Variants in SMIM35 observed in about 807,000 individuals in gnomAD.
The protein encoded by SMIM35 is TMPRSS4 antisense RNA 1 (non-protein coding).
chr11:118,020,761 G>T (rs565383824), intron 1 of SMIM35, among the ~76,000 whole-genome samples: 1 of 150,390 alleles, frequency 6.6e-6, no homozygotes. Flanking sequence ...TATATTGTCC[G>T]CAAATAAAGG....
chr11:118,025,638 TA>T (rs1183082839), intron 1 of SMIM35: 1 of 447,326 alleles, frequency 2.2e-6, no homozygotes, highest in Non-Finnish European at 4.5e-6. Context: ...TTAATGGGGT[TA>T]TTTGGTCTTT....
chr11:118,064,420 C>T (rs1944437583), intron 1 of SMIM35, among the ~76,000 whole-genome samples: 3 of 152,288 alleles, frequency 2.0e-5, no homozygotes, highest in East Asian at 1.9e-4. Flanking sequence ...GGGTGTCATC[C>T]TCAGAGTCAT....
intron 1 of SMIM35, among the ~76,000 whole-genome samples, chr11:118,060,959 C>G (rs555482629): frequency 1.3e-5 from 2 of 152,354 alleles, no homozygotes; most frequent in African/African-American, 4.8e-5. Flanking sequence ...CCTCTCCAGC[C>G]CTGTGACCTC....
At chr11:118,008,325 C>T (rs2058132833) in intron 4 of SMIM35, among the ~76,000 whole-genome samples, 1 of 152,144 alleles carries the variant, frequency 6.6e-6, no homozygotes, top group Non-Finnish European at 1.5e-5. Context: ...GATCACTAAG[C>T]AGTTTTTAGA....
At chr11:118,044,543 G>A (rs1182450888) in intron 1 of SMIM35, among the ~76,000 whole-genome samples, 2 of 152,036 alleles carry the variant, frequency 1.3e-5, no homozygotes, top group African/African-American at 2.4e-5. Context: ...ATTCATGCCT[G>A]TAATCCCAGC....
At chr11:118,016,621 C>G (rs1224614587) in intron 1 of SMIM35, among the ~76,000 whole-genome samples, 1 of 152,220 alleles carries the variant, frequency 6.6e-6, no homozygotes, top group Non-Finnish European at 1.5e-5. Flanking sequence ...AGTGGTTGAA[C>G]TCAGACTTTA....
chr11:118,013,544 G>A (rs1418292005), intron 4 of SMIM35, among the ~76,000 whole-genome samples: 1 of 152,220 alleles, frequency 6.6e-6, no homozygotes, highest in African/African-American at 2.4e-5. Context: ...GGGTGGACAG[G>A]AGGAAACAGG....
chr11:118,014,153 G>A (rs1034779129), intron 3 of SMIM35, among the ~76,000 whole-genome samples: 2 of 152,154 alleles, frequency 1.3e-5, no homozygotes, highest in African/African-American at 4.8e-5. Flanking sequence ...TCTTGTGCCT[G>A]AGATTACATT....
rs57261529 is a variant in SMIM35 at position 118,048,946 on chromosome 11, CAAA to C, written c.8-33140_8-33138del. ...GCCTATCGCCTAGGCTGAAGAGCTGCAAAAAAAAAAAAAAAAAAGCAAGTGAAA... is the reference window on the plus strand; with the variant it reads ...GCCTATCGCCTAGGCTGAAGAGCTGCAAAAAAAAAAAAAAAGCAAGTGAAA... On this transcript the variant is annotated intron_variant, in intron 1 of 4. Coordinates refer to ENST00000689828, the MANE Select transcript of SMIM35 (RefSeq NM_001394165.1). 4.3e-4 allele frequency among the ~76,000 whole-genome samples: 26 copies of C among 60,492 alleles called. 2 individuals are homozygous for C. In the East Asian group the frequency reaches 4.9e-3, roughly 11 times the overall value. The allele number at this position is 60,492 out of a possible 152,430, so 39.7% of individuals were successfully genotyped here.
chr11:118,063,883 G>T (rs12278852), intron 1 of SMIM35, among the ~76,000 whole-genome samples: 1 of 152,080 alleles, frequency 6.6e-6, no homozygotes, highest in Non-Finnish European at 1.5e-5. Context: ...TGTATCATTC[G>T]TAATATCCTT....
At position 118,040,930 on chromosome 11, in the gene SMIM35, G is replaced by A. The variant is rs953316275; in HGVS notation, c.8-25121C>T. On this transcript the variant is annotated intron_variant, in intron 1 of 4. Coordinates refer to ENST00000689828, the MANE Select transcript of SMIM35 (RefSeq NM_001394165.1). ...TGTAACATTAATAGATGTGACATAT[G>A]TATAACAAAAATATATTGCATAATA... Among the ~76,000 whole-genome samples, 5 of 151,534 alleles carry A rather than the reference G, an allele frequency of 3.3e-5. No homozygotes were observed. In the East Asian group the frequency reaches 5.8e-4, roughly 18 times the overall value.
At chr11:118,027,742 G>T (rs1261700558) in intron 1 of SMIM35, among the ~76,000 whole-genome samples, 1 of 152,100 alleles carries the variant, frequency 6.6e-6, no homozygotes, top group African/African-American at 2.4e-5. Flanking sequence ...AACACCTGTG[G>T]CAGGGAGGCA....
chr11:118,051,465 G>A (rs1027816663), intron 1 of SMIM35, among the ~76,000 whole-genome samples: 2 of 152,194 alleles, frequency 1.3e-5, no homozygotes, highest in African/African-American at 2.4e-5. Flanking sequence ...TTAAATTAGC[G>A]GCCACTTCTC....
chr11:118,010,301 G>C (rs76906665), intron 4 of SMIM35, among the ~76,000 whole-genome samples: 2,051 of 152,254 alleles, frequency 0.013, 46 homozygotes, highest in African/African-American at 0.047. Context: ...CCTGGCACCT[G>C]GCCCCCTCCA....
At chr11:118,076,604 C>G (rs1240806142) in intron 1 of SMIM35, among the ~76,000 whole-genome samples, 2 of 152,132 alleles carry the variant, frequency 1.3e-5, no homozygotes, top group Non-Finnish European at 2.9e-5. Context: ...CTGTGCAGGA[C>G]AGCTTCACTT....
At chr11:118,048,080 G>A (rs541932409) in intron 1 of SMIM35, among the ~76,000 whole-genome samples, 2 of 152,290 alleles carry the variant, frequency 1.3e-5, no homozygotes, top group African/African-American at 4.8e-5. Context: ...GTGGTACCCA[G>A]GAGCCATTTA....
At chr11:118,056,623 C>T (rs905975372) in intron 1 of SMIM35, among the ~76,000 whole-genome samples, 2 of 151,964 alleles carry the variant, frequency 1.3e-5, no homozygotes, top group Admixed American at 6.6e-5. Flanking sequence ...TAGGTGTAAT[C>T]GCAGAAGGGG....
intron 1 of SMIM35, among the ~76,000 whole-genome samples, chr11:118,040,522 T>C (rs1434800967): frequency 6.6e-6 from 1 of 152,134 alleles, no homozygotes; most frequent in Non-Finnish European, 1.5e-5. Context: ...GAAAGCAAAC[T>C]AAAGACTTTC....
chr11:118,068,373 C>T (rs1944517416), intron 1 of SMIM35, among the ~76,000 whole-genome samples: 1 of 152,124 alleles, frequency 6.6e-6, no homozygotes, highest in Non-Finnish European at 1.5e-5. Context: ...TAGAGTTTGC[C>T]AACAGGATGA....
Sources: gnomAD v4.1 joint callset for allele counts (sites outside exome capture counted in the v4.1 genomes callset) on GRCh38, gnomAD v4.1.1 for gene constraint, MANE v1.5 for transcripts, NCBI Gene and HGNC (gene_info 2026-07-23, HGNC 2026-07-21) for gene names.